The following SLC27A5 variants were observed in gnomAD, a reference collection of about 807,000 sequenced individuals.
SLC27A5 encodes solute carrier family 27 member 5.
Under a neutral mutation model 63.1 loss-of-function variants are expected in SLC27A5, and 47 were observed. The ratio of observed to expected loss-of-function variants is 0.74; its 90% CI spans 0.59 to 0.95. SLC27A5 has a LOEUF of 0.95. Ranked by LOEUF, SLC27A5 falls within the 40% of genes least tolerant of loss-of-function variation. The pLI, the probability that SLC27A5 is intolerant of heterozygous loss-of-function variation, is 0.00. For missense variants in SLC27A5, 940 were observed against 921.0 expected (o/e 1.02, Z -0.27); for synonymous variants, 391 against 403.8 (o/e 0.97, Z 0.38).
chr19:58,507,956 A>G (rs2053365599), intron 3 of SLC27A5: 1 of 152,178 alleles, frequency 6.6e-6, no homozygotes, highest in African/African-American at 2.4e-5. Flanking sequence ...TATCAAGACA[A>G]TATGTGCACC....
chr19:58,510,077 G>A lies in SLC27A5; in HGVS notation c.899-72C>T. ...AGAGAGGGGCCTGACCAGAGGGATA[G>A]ATCTCCAACAGCCAGGCCTACATTG... On this transcript the variant is annotated intron_variant, in intron 2 of 9. Transcript: ENST00000263093. 4 of 1,475,812 alleles carry A rather than the reference G, an allele frequency of 2.7e-6. No homozygotes were observed. The South Asian group carries it at 5.0e-5, about 19-fold the overall frequency. 91.4% of individuals were successfully genotyped at this position (1,475,812 alleles called of 1,614,324 possible).
At chr19:58,502,390 G>T (rs1041538769) in intron 3 of SLC27A5, among the ~76,000 whole-genome samples, 6 of 147,758 alleles carry the variant, frequency 4.1e-5, no homozygotes, top group South Asian at 2.2e-4. Context: ...TAGATGGATG[G>T]GTGGACAGAG....
Position 58,511,347 on chromosome 19 carries a change from C to A in SLC27A5, c.609G>T (p.Trp203Cys). ...GCATCCCCCGGCCATGCGGGTTGATCCAGGCTGTTGGGCAGCCCAGCTTGG... is the reference window on the plus strand; with the variant it reads ...GCATCCCCCGGCCATGCGGGTTGATACAGGCTGTTGGGCAGCCCAGCTTGG... ...GLAKLGCPTA[W>C]INPHGRGMPL... is the part of the protein sequence containing the mutation. Residue 203 changes from tryptophan (W) to cysteine (C), a missense_variant, in exon 1 of 10, where the codon TGG becomes TGT. Physicochemically the swap from Trp to Cys is radical, Grantham distance 215. Transcript: ENST00000263093. 6.2e-7 allele frequency: 1 copy of A among 1,604,422 alleles called. No individual in the cohort carries two copies. Among genetic ancestry groups the A allele is most frequent in the Non-Finnish European group, 8.5e-7 (1 of 1,173,748 alleles).
intron 2 of SLC27A5, chr19:58,510,311 C>T (rs920620794): frequency 8.0e-6 from 3 of 374,596 alleles, no homozygotes; most frequent in South Asian, 4.6e-5. Flanking sequence ...CAGTGGCTCA[C>T]GCCTGTAATC....
chr19:58,505,694 A>G (rs1444362125), intron 3 of SLC27A5, among the ~76,000 whole-genome samples: 1 of 151,008 alleles, frequency 6.6e-6, no homozygotes, highest in Non-Finnish European at 1.5e-5. Context: ...AAACATAAAA[A>G]AAAATTAGCC....
chr19:58,510,580 A>G lies in SLC27A5; in HGVS notation c.898+141T>C, dbSNP rs2053398453. ...CAGAGCGAGACTCTGCCTCGAAAAA[A>G]AAAACAGCCAAACAAAAAACAAATG... On this transcript the variant is annotated intron_variant, in intron 2 of 9. Coordinates refer to ENST00000263093, the MANE Select transcript of SLC27A5 (RefSeq NM_012254.3). 24 of 806,008 alleles carry G rather than the reference A, an allele frequency of 3.0e-5. No individual in the cohort carries two copies. In the South Asian group the frequency reaches 4.6e-4, roughly 15 times the overall value. 49.9% of individuals were successfully genotyped at this position (806,008 alleles called of 1,614,324 possible).
rs1178636039 is a variant in SLC27A5, at chr19:58,511,374, C to G, written c.582G>C (p.Leu194=). ...AVPALCMWLG[L]AKLGCPTAWI... ...AGGCTGTTGGGCAGCCCAGCTTGGCCAGCCCCAGCCACATACACAGGGCTG... is the reference window on the plus strand; with the variant it reads ...AGGCTGTTGGGCAGCCCAGCTTGGCGAGCCCCAGCCACATACACAGGGCTG... Residue 194 remains leucine, a synonymous_variant, in exon 1 of 10, where the codon CTG becomes CTC. Coordinates refer to ENST00000263093, the MANE Select transcript of SLC27A5 (RefSeq NM_012254.3). The G allele has an allele frequency of 6.2e-7, 1 of 1,606,662 alleles. No individual in the cohort carries two copies. The highest frequency in any genetic ancestry group is 8.5e-7 in the Non-Finnish European group (1 of 1,176,354).
chr19:58,504,754 C>T (rs1225030807), intron 3 of SLC27A5, among the ~76,000 whole-genome samples: 2 of 151,592 alleles, frequency 1.3e-5, no homozygotes, highest in East Asian at 3.9e-4. Flanking sequence ...GCCTGTAATC[C>T]CAGCACTTTG....
rs1214197582 is a variant in SLC27A5 at position 58,511,094 on chromosome 19, G to A, written c.689-164C>T. 8.5e-6 allele frequency: 8 copies of A among 945,374 alleles called. No homozygotes were observed. The Admixed American group carries it at 1.5e-4, about 18-fold the overall frequency. The allele number at this position is 945,374 out of a possible 1,614,324, so 58.6% of individuals were successfully genotyped here. A position where few individuals can be genotyped will look rare whatever the true frequency, so the allele number is the denominator to read the frequency against. ...ATTAGTATTTTTGGTCAAATTGTGG[G>A]AAAATTAAACTCTGATGACCTGAGA... On this transcript the variant is annotated intron_variant, in intron 1 of 9. Coordinates refer to ENST00000263093, the MANE Select transcript of SLC27A5 (RefSeq NM_012254.3).
chr19:58,503,023 G>A (rs561986043), intron 3 of SLC27A5, among the ~76,000 whole-genome samples: 22 of 152,100 alleles, frequency 1.4e-4, no homozygotes, highest in East Asian at 3.9e-4. Context: ...TGGCTAACAC[G>A]GTGAAACCCG....
chr19:58,507,149 G>C (rs1318650045), intron 3 of SLC27A5, among the ~76,000 whole-genome samples: 1 of 151,986 alleles, frequency 6.6e-6, no homozygotes, highest in African/African-American at 2.4e-5. Context: ...ATGAGGTCAG[G>C]TGTTGGAGAC....
At chr19:58,501,190 G>A in intron 4 of SLC27A5, 96 bp downstream of exon 4, 1 of 1,479,700 alleles carries the variant, frequency 6.8e-7, no homozygotes, top group Non-Finnish European at 9.1e-7. Flanking sequence ...TATTATCTGA[G>A]GGACTTGAGT....
Position 58,503,159 on chromosome 19 carries a change from A to C in SLC27A5, c.1058-1749T>G, listed in dbSNP as rs188137817. Among the ~76,000 whole-genome samples, 345 of 150,126 alleles carry C rather than the reference A, an allele frequency of 2.3e-3. 2 individuals are homozygous for C. The East Asian group carries it at 0.024, about 11-fold the overall frequency. On this transcript the variant is annotated intron_variant, in intron 3 of 9. Transcript: ENST00000263093. ...GGCGGAGCTTGCAGTGAGCCGAGAT[A>C]GCGCCACTGCACTCCAGCCTGGGCG...
chr19:58,503,454 G>C (rs73580823), intron 3 of SLC27A5, among the ~76,000 whole-genome samples: 1 of 152,164 alleles, frequency 6.6e-6, no homozygotes, highest in African/African-American at 2.4e-5. Flanking sequence ...GAAAGATCAG[G>C]AGTTTGAGAC....
intron 7 of SLC27A5, 98 bp downstream of exon 7, chr19:58,499,394 C>T: frequency 7.0e-7 from 1 of 1,424,804 alleles, no homozygotes; most frequent in Non-Finnish European, 9.6e-7. Flanking sequence ...CGCCCTCTTA[C>T]GACAGGAAAG....
At chr19:58,511,024 G>T in intron 1 of SLC27A5, 94 bp from the exon 2 acceptor site, 1 of 1,078,978 alleles carries the variant, frequency 9.3e-7, no homozygotes, top group Non-Finnish European at 1.3e-6. Context: ...CAGAGGAGCA[G>T]CTAGTAGAGA....
chr19:58,498,898 C>T lies in SLC27A5; in HGVS notation c.1783G>A (p.Gly595Ser), dbSNP rs914939656. 9.3e-6 allele frequency: 15 copies of T among 1,612,804 alleles called. No homozygotes were observed. The highest frequency in any genetic ancestry group is 1.3e-5 in the Non-Finnish European group (15 of 1,179,982). ...GGGGCTAGCTGCACAGCAGCCATGC[C>T]CACCTTACCCTCACAACCTAGAGAG... ...VCVPGCEGKV[G>S]MAAVQLAPGQ... The change falls in exon 9 of 10, where the codon GGC (glycine) becomes AGC (serine). Residue 595 changes from glycine to serine, a missense_variant. By Grantham distance (56) the Gly-to-Ser change is moderately conservative (BLOSUM62 0). Transcript: ENST00000263093.
At chr19:58,509,652 CA>C in intron 3 of SLC27A5, 194 bp downstream of exon 3, 1 of 510,288 alleles carries the variant, frequency 2.0e-6, no homozygotes, top group South Asian at 3.1e-5. Flanking sequence ...CTGACCAAAG[CA>C]TGGCCATCAG....
chr19:58,500,790 G>T, intron 4 of SLC27A5, 84 bp from the exon 5 acceptor site: 1 of 1,552,068 alleles, frequency 6.4e-7, no homozygotes, highest in Non-Finnish European at 8.7e-7. Flanking sequence ...GTGTTATCCT[G>T]GGTCCTTACC....
Sources: gnomAD v4.1 joint callset for allele counts (sites outside exome capture counted in the v4.1 genomes callset) on GRCh38, gnomAD v4.1.1 for gene constraint, MANE v1.5 for transcripts, NCBI Gene and HGNC (gene_info 2026-07-23, HGNC 2026-07-21) for gene names.